BCL11B: variants seen among roughly 807,000 people sequenced by gnomAD.
BCL11B encodes the protein B-cell lymphoma/leukemia 11B.
A neutral mutation model predicts 49.9 loss-of-function variants in BCL11B; 8 were observed. The ratio of observed to expected loss-of-function variants is 0.16; its 90% CI spans 0.09 to 0.29. The LOEUF (loss-of-function observed/expected upper bound fraction) is 0.29, where lower values mean the gene tolerates loss of function less well. BCL11B is among the 10% of genes least tolerant of loss of function. The pLI, the probability that BCL11B is intolerant of heterozygous loss-of-function variation, is 1.00. For missense variants in BCL11B, 1,006 were observed against 1,351.0 expected (o/e 0.74, Z 4.00); for synonymous variants, 739 against 637.4 (o/e 1.16, Z -2.40).
chr14:99,266,201 A>G (rs1281459371), intron 1 of BCL11B, among the ~76,000 whole-genome samples: 1 of 152,216 alleles, frequency 6.6e-6, no homozygotes, highest in Non-Finnish European at 1.5e-5. Flanking sequence ...TACCTAATAA[A>G]TGGAATTGAG....
chr14:99,181,162 C>T (rs1246761541), intron 3 of BCL11B, among the ~76,000 whole-genome samples: 2 of 152,150 alleles, frequency 1.3e-5, no homozygotes, highest in Non-Finnish European at 2.9e-5. Context: ...TTTAGTGGCC[C>T]ACTGCTGTTC....
rs781301924 is a variant in BCL11B, at chr14:99,185,649, C to T, written c.641-9454G>A. Among the ~76,000 whole-genome samples the T allele has an allele frequency of 3.1e-4, 47 of 152,140 alleles. 1 individual carries two copies. Among genetic ancestry groups the T allele is most frequent in the East Asian group, 2.3e-3 (12 of 5,162 alleles). ...GGTCGGGGGAAATGGGAAATGCAAC[C>T]GGAGAGGCAAATATATACCCAAGAG... On this transcript the variant is annotated intron_variant, in intron 3 of 3. Coordinates refer to ENST00000357195, the MANE Select transcript of BCL11B (RefSeq NM_138576.4).
intron 3 of BCL11B, among the ~76,000 whole-genome samples, chr14:99,218,737 A>G (rs1887926285): frequency 1.3e-5 from 2 of 152,062 alleles, no homozygotes; most frequent in African/African-American, 2.4e-5. Flanking sequence ...AGCCACCTGA[A>G]ATAAGCTGTC....
rs911472229 is a variant in BCL11B at position 99,171,139 on chromosome 14, T to C, written c.*3012A>G. The C allele has an allele frequency of 8.7e-6, 2 of 228,810 alleles. No homozygotes were observed. The highest frequency in any genetic ancestry group is 1.7e-5 in the Non-Finnish European group (2 of 115,076). 14.2% of individuals were successfully genotyped at this position (228,810 alleles called of 1,614,324 possible). ...AAATAATTTCCCATCTGGTCTGCTG[T>C]GGCCACACCAAGGAGCCTTGATGCA... On this transcript the variant is annotated 3_prime_UTR_variant, in exon 4 of 4. Transcript: ENST00000357195.
Position 99,271,194 on chromosome 14 carries a change from G to T in BCL11B, c.25C>A (p.Pro9Thr). 6.5e-7 allele frequency: 1 copy of T among 1,541,906 alleles called. No individual in the cohort carries two copies. Residue 9 changes from proline (P) to threonine (T), a missense_variant, in exon 1 of 4, where the codon CCG (proline) becomes ACG (threonine). By Grantham distance (38) the Pro-to-Thr change is conservative. Coordinates refer to ENST00000357195, the MANE Select transcript of BCL11B (RefSeq NM_138576.4). ...AGCTCCCTCTGGGACAAGTGCTGCG[G>T]GTTGCCCTGTTTGCGGCGGGACATT... MSRRKQGN[P>T]QHLSQRELIT...
At chr14:99,218,063 T>A (rs1313966142) in intron 3 of BCL11B, among the ~76,000 whole-genome samples, 3 of 105,972 alleles carry the variant, frequency 2.8e-5, no homozygotes, top group Non-Finnish European at 7.0e-5. Context: ...CATTGCAGGT[T>A]TTTTTTTTTT....
intron 3 of BCL11B, among the ~76,000 whole-genome samples, chr14:99,211,609 A>G (rs1595249959): frequency 6.6e-6 from 1 of 152,130 alleles, no homozygotes; most frequent in Non-Finnish European, 1.5e-5. Context: ...CAATGCACTC[A>G]TGCACAAACA....
At chr14:99,250,257 G>C (rs184244533) in intron 2 of BCL11B, among the ~76,000 whole-genome samples, 115 of 151,796 alleles carry the variant, frequency 7.6e-4, no homozygotes, top group South Asian at 2.7e-3. Flanking sequence ...GGATGGTCTC[G>C]ATCACCTGAC....
At chr14:99,211,366 T>C (rs1887682724) in intron 3 of BCL11B, among the ~76,000 whole-genome samples, 1 of 152,164 alleles carries the variant, frequency 6.6e-6, no homozygotes, top group Admixed American at 6.5e-5. Flanking sequence ...GGCAGAGTCA[T>C]GTACTTGGGT....
In BCL11B at chr14:99,205,787, C is replaced by T. The variant is rs575441530; in HGVS notation, c.640+25558G>A. Reference sequence around the variant, plus strand: ...AAATAACAGCACACATACCAGTTCCCGGGAGCAGTATGGTTCTTGACCACG... The same window carrying T: ...AAATAACAGCACACATACCAGTTCCTGGGAGCAGTATGGTTCTTGACCACG... On this transcript the variant is annotated intron_variant, in intron 3 of 3. Coordinates refer to ENST00000357195, the MANE Select transcript of BCL11B (RefSeq NM_138576.4). The surrounding 1 kb of genome is among the most constrained non-coding windows in gnomAD (Gnocchi z 5.0). Among the ~76,000 whole-genome samples the T allele has an allele frequency of 1.2e-4, 18 of 152,270 alleles. No individual in the cohort carries two copies. The highest frequency in any genetic ancestry group is 2.9e-4 in the African/African-American group (12 of 41,558).
intron 2 of BCL11B, among the ~76,000 whole-genome samples, chr14:99,256,993 G>C (rs1889183005): frequency 6.6e-6 from 1 of 152,128 alleles, no homozygotes. Flanking sequence ...TGCCTACCAG[G>C]TCATGCCGCA....
In BCL11B at chr14:99,175,401, G is replaced by T; in HGVS notation, c.1435C>A (p.His479Asn). The T allele has an allele frequency of 1.2e-6, 2 of 1,606,278 alleles. No homozygotes were observed. The highest frequency in any genetic ancestry group is 8.5e-7 in the Non-Finnish European group (1 of 1,177,596). ...CGGCCGGCCAGCGAGCCGGCCTTGT[G>T]CATGTGCGTCTTCATGTGGCGCTTG... ...KLKRHMKTHM[H>N]KAGSLAGRSD... The change falls in exon 4 of 4, where the codon CAC becomes AAC. Residue 479 changes from histidine (H) to asparagine (N), a missense_variant. Transcript: ENST00000357195.
chr14:99,270,704 G>A (rs1404438985), intron 1 of BCL11B, among the ~76,000 whole-genome samples: 1 of 151,162 alleles, frequency 6.6e-6, no homozygotes, highest in East Asian at 2.0e-4. Flanking sequence ...CGCCCGCGCC[G>A]TCAGCGCGGA....
chr14:99,191,168 C>T (rs981212566), intron 3 of BCL11B, among the ~76,000 whole-genome samples: 2 of 151,740 alleles, frequency 1.3e-5, no homozygotes, highest in Admixed American at 6.6e-5. Context: ...AGGAAACCTG[C>T]GGCAATATTT....
At chr14:99,216,846 C>CTCAT (rs1444402613) in intron 3 of BCL11B, among the ~76,000 whole-genome samples, 9 of 152,126 alleles carry the variant, frequency 5.9e-5, no homozygotes, top group Non-Finnish European at 1.0e-4. Flanking sequence ...CACAAAAACA[C>CTCAT]TCATACACAC....
chr14:99,237,197 T>C (rs1888526352), intron 2 of BCL11B, among the ~76,000 whole-genome samples: 1 of 151,880 alleles, frequency 6.6e-6, no homozygotes, highest in Non-Finnish European at 1.5e-5. Context: ...AAAAATAAAT[T>C]CCTTCACTCC....
chr14:99,187,076 C>T lies in BCL11B; in HGVS notation c.641-10881G>A, dbSNP rs190862519. On this transcript the variant is annotated intron_variant, in intron 3 of 3. Transcript: ENST00000357195. ...AAGTATTAAAACTGAACTATGGCTGCATGCACCCGAGATTTCCCAAAACAG... is the reference window on the plus strand; with the variant it reads ...AAGTATTAAAACTGAACTATGGCTGTATGCACCCGAGATTTCCCAAAACAG... 4.9e-3 allele frequency among the ~76,000 whole-genome samples: 745 copies of T among 152,318 alleles called. 4 individuals carry two copies. The highest frequency in any genetic ancestry group is 9.0e-3 in the Admixed American group (137 of 15,306).
At chr14:99,220,953 C>T (rs954154365) in intron 3 of BCL11B, among the ~76,000 whole-genome samples, 2 of 152,080 alleles carry the variant, frequency 1.3e-5, no homozygotes, top group Non-Finnish European at 2.9e-5. Context: ...CGGGTTCAAG[C>T]GATTCTCCTG....
Position 99,174,541 on chromosome 14 carries a change from C to A in BCL11B, c.2295G>T (p.Ser765=). Residue 765 remains serine, a synonymous_variant, in exon 4 of 4, where the codon TCG becomes TCT. Transcript: ENST00000357195. ...PPGDLLDGGL[S]GRSGTASGGS... ...CTCCGCTGGCCGTGCCGCTGCGGCC[C>A]GAGAGGCCGCCGTCCAGCAGGTCCC... 1.3e-6 allele frequency: 2 copies of A among 1,511,366 alleles called. No individual in the cohort carries two copies. The highest frequency in any genetic ancestry group is 1.8e-6 in the Non-Finnish European group (2 of 1,132,224). 93.6% of individuals were successfully genotyped at this position (1,511,366 alleles called of 1,614,324 possible). A position where few individuals can be genotyped will look rare whatever the true frequency, so the allele number is the denominator to read the frequency against.
Sources: allele counts gnomAD v4.1 joint callset (sites outside exome capture counted in the v4.1 genomes callset), GRCh38; gene constraint gnomAD v4.1.1; non-coding constraint Gnocchi (gnomAD v3.1); transcripts MANE v1.5; gene names NCBI Gene and HGNC (gene_info 2026-07-23, HGNC 2026-07-21).